The following SV2B variants were observed in gnomAD, a reference collection of about 807,000 sequenced individuals.
SV2B encodes the protein solute carrier family 22 member B2.
Under a neutral mutation model 73.9 loss-of-function variants are expected in SV2B, and 41 were observed. That is an observed-to-expected ratio of 0.56 (90% CI 0.43 to 0.72). The LOEUF (loss-of-function observed/expected upper bound fraction) is 0.72, where lower values mean the gene tolerates loss of function less well. Among genes scored for constraint, SV2B ranks in the 30% least tolerant of loss-of-function variants. SV2B has a pLI of 0.00. For missense variants in SV2B, 764 were observed against 857.8 expected, an observed-to-expected ratio of 0.89 and a Z score of 1.37; for synonymous variants, 314 against 314.2, an observed-to-expected ratio of 1.00 and a Z score of 0.01.
chr15:91,289,626 C>T lies in SV2B; in HGVS notation c.1814C>T (p.Ala605Val). ...WQCLFCGTSI[A>V]AWNALDVITV... ...TGCCTGTTCTGTGGGACAAGCATTG[C>T]AGCCTGGAATGCTCTGGATGTGATC... The change falls in exon 12 of 13, where the codon GCA becomes GTA. Residue 605 changes from alanine (A) to valine (V), a missense_variant. Ala to Val is a moderately conservative substitution (Grantham distance 64). Coordinates refer to ENST00000394232, the MANE Select transcript of SV2B (RefSeq NM_001323032.3). This position sits in a 1 kb window ranked among gnomAD's most constrained non-coding sequence, Gnocchi z 4.9. The T allele has an allele frequency of 1.9e-6, 3 of 1,614,180 alleles. No homozygotes were observed. The highest frequency in any genetic ancestry group is 2.5e-6 in the Non-Finnish European group (3 of 1,180,038).
intron 9 of SV2B, among the ~76,000 whole-genome samples, chr15:91,275,796 A>C (rs892921985): frequency 5.3e-5 from 8 of 152,212 alleles, no homozygotes; most frequent in African/African-American, 1.9e-4. Flanking sequence ...ACTGCACTCC[A>C]GCCTGGGTGA....
intron 1 of SV2B, among the ~76,000 whole-genome samples, chr15:91,178,941 A>T (rs1171722805): frequency 6.7e-6 from 1 of 150,296 alleles, no homozygotes; most frequent in Admixed American, 6.6e-5. Context: ...CTAGCTTTTG[A>T]ATGTGTTTGC....
Position 91,299,672 on chromosome 15 carries a change from TCTCA to T in SV2B, c.*7124_*7127del, listed in dbSNP as rs974835359. On this transcript the variant is annotated 3_prime_UTR_variant, in exon 13 of 13. Coordinates refer to ENST00000394232, the MANE Select transcript of SV2B (RefSeq NM_001323032.3). ...TTATTTTTATTTTTTTGAGACAGAGTCTCACTCTGTCATCTAGGCTGGAGTGCAG... is the reference window on the plus strand; with the variant it reads ...TTATTTTTATTTTTTTGAGACAGAGTCTCTGTCATCTAGGCTGGAGTGCAG... 9.2e-5 allele frequency: 14 copies of T among 152,132 alleles called. No homozygotes were observed. The highest frequency in any genetic ancestry group is 3.4e-4 in the African/African-American group (14 of 41,410). 9.4% of individuals were successfully genotyped at this position (152,132 alleles called of 1,614,324 possible).
At chr15:91,264,627 C>T (rs577608770) in intron 6 of SV2B, among the ~76,000 whole-genome samples, 2 of 152,322 alleles carry the variant, frequency 1.3e-5, no homozygotes, top group African/African-American at 4.8e-5. Flanking sequence ...TTAGAGCCAC[C>T]TCCGTTGAGT....
intron 2 of SV2B, among the ~76,000 whole-genome samples, chr15:91,238,310 TA>T (rs1356897038): frequency 6.6e-6 from 1 of 152,194 alleles, no homozygotes; most frequent in Non-Finnish European, 1.5e-5. Context: ...TTCTAACCTT[TA>T]TAATGACCTG....
intron 1 of SV2B, among the ~76,000 whole-genome samples, chr15:91,225,505 C>A (rs761525583): frequency 6.6e-6 from 1 of 152,098 alleles, no homozygotes; most frequent in East Asian, 1.9e-4. Flanking sequence ...ATATTTCATT[C>A]TTGCATAACA....
chr15:91,274,283 C>T (rs2048411108), intron 9 of SV2B, among the ~76,000 whole-genome samples: 1 of 152,186 alleles, frequency 6.6e-6, no homozygotes, highest in East Asian at 1.9e-4. Context: ...TGCACTCTCA[C>T]CAGTAGTATA....
intron 1 of SV2B, among the ~76,000 whole-genome samples, chr15:91,212,821 A>G (rs1476473708): frequency 2.6e-5 from 4 of 151,788 alleles, no homozygotes; most frequent in African/African-American, 9.7e-5. Flanking sequence ...AGAAAAAGAA[A>G]AAAATATTTT....
chr15:91,201,521 G>A (rs764722000), intron 1 of SV2B, among the ~76,000 whole-genome samples: 28 of 152,140 alleles, frequency 1.8e-4, no homozygotes, highest in African/African-American at 3.9e-4. Flanking sequence ...TTCATAAGCC[G>A]TGTGCAGTGC....
At chr15:91,154,151 T>C (rs911638969) in intron 1 of SV2B, among the ~76,000 whole-genome samples, 1 of 147,928 alleles carries the variant, frequency 6.8e-6, no homozygotes, top group South Asian at 2.1e-4. Flanking sequence ...TTAATTTATA[T>C]TATAAAATTA....
At chr15:91,175,523 G>A (rs762817999) in intron 1 of SV2B, among the ~76,000 whole-genome samples, 2 of 151,924 alleles carry the variant, frequency 1.3e-5, no homozygotes, top group African/African-American at 2.4e-5. Flanking sequence ...CAAAGTGCTG[G>A]GATTACAGGT....
chr15:91,291,749 T>C (rs1213566859), intron 12 of SV2B, among the ~76,000 whole-genome samples: 1 of 152,176 alleles, frequency 6.6e-6, no homozygotes, highest in Non-Finnish European at 1.5e-5. Flanking sequence ...CCATCTGTGT[T>C]CCATCATGAA....
chr15:91,292,202 A>G (rs989423113), intron 12 of SV2B, among the ~76,000 whole-genome samples, 167 bp from the exon 13 acceptor site: 3 of 152,032 alleles, frequency 2.0e-5, no homozygotes, highest in Non-Finnish European at 2.9e-5. Context: ...TCTTTATATT[A>G]TTCTGTATTT....
At chr15:91,266,717 T>G (rs1420646469) in intron 7 of SV2B, 25 bp downstream of exon 7, 3 of 1,567,402 alleles carry the variant, frequency 1.9e-6, no homozygotes, top group Non-Finnish European at 2.6e-6. Flanking sequence ...TTACTTTGGA[T>G]GAGGATGCGT....
At position 91,124,336 on chromosome 15, in the gene SV2B, G is replaced by T. The variant is rs1391544572; in HGVS notation, c.-392+23973G>T. Among the ~76,000 whole-genome samples the T allele has an allele frequency of 1.3e-5, 2 of 152,138 alleles. No homozygotes were observed. Among genetic ancestry groups the T allele is most frequent in the African/African-American group, 4.8e-5 (2 of 41,428 alleles). The stretch of plus-strand genomic sequence containing the variant: ...CTGTGAGGCACGACTTCCCAGGCAG[G>T]ACTCTTGGGAGGATTGTGAAGCTAA... On this transcript the variant is annotated intron_variant, in intron 1 of 12. Coordinates refer to ENST00000394232, the MANE Select transcript of SV2B (RefSeq NM_001323032.3). This position sits in a 1 kb window ranked among gnomAD's most constrained non-coding sequence, Gnocchi z 4.6.
At chr15:91,192,803 C>T (rs1207664771) in intron 1 of SV2B, among the ~76,000 whole-genome samples, 1 of 152,176 alleles carries the variant, frequency 6.6e-6, no homozygotes, top group African/African-American at 2.4e-5. Flanking sequence ...CTTCTTTTTA[C>T]GATGCAGACC....
intron 2 of SV2B, among the ~76,000 whole-genome samples, chr15:91,235,551 TA>T (rs552268294): frequency 3.3e-4 from 49 of 149,478 alleles, no homozygotes; most frequent in African/African-American, 2.2e-4. Flanking sequence ...CACCGGGGGT[TA>T]AAAAAAAAAT....
At position 91,103,539 on chromosome 15, in the gene SV2B, C is replaced by T. The variant is rs147498142; in HGVS notation, c.-392+3176C>T. Among the ~76,000 whole-genome samples, 3 of 152,270 alleles carry T rather than the reference C, an allele frequency of 2.0e-5. No individual in the cohort carries two copies. In the East Asian group the frequency reaches 5.8e-4, roughly 29 times the overall value. ...ATCATATGGCAAATTTATTTAAAGC[C>T]TCTATCTTATAGGCTTAACATAAAG... is the stretch of plus-strand genomic sequence containing the variant. On this transcript the variant is annotated intron_variant, in intron 1 of 12. Coordinates refer to ENST00000394232, the MANE Select transcript of SV2B (RefSeq NM_001323032.3).
intron 1 of SV2B, among the ~76,000 whole-genome samples, chr15:91,131,745 T>C (rs2042658631): frequency 6.6e-6 from 1 of 152,126 alleles, no homozygotes; most frequent in African/African-American, 2.4e-5. Context: ...GGCGGATCAC[T>C]TGAGGTCAGG....
Sources: allele counts gnomAD v4.1 joint callset (sites outside exome capture counted in the v4.1 genomes callset), GRCh38; gene constraint gnomAD v4.1.1; non-coding constraint Gnocchi (gnomAD v3.1); transcripts MANE v1.5; gene names NCBI Gene and HGNC (gene_info 2026-07-23, HGNC 2026-07-21).